STRN3: variants seen among roughly 807,000 people sequenced by gnomAD.
STRN3 encodes the protein striatin 3, also known as striatin-3.
In STRN3, 29 loss-of-function variants were observed where a neutral mutation model predicts 95.6. The ratio of observed to expected loss-of-function variants is 0.30; its 90% confidence interval spans 0.23 to 0.41. The LOEUF is 0.41. Ranked by LOEUF, STRN3 falls within the 10% of genes least tolerant of loss-of-function variation. The pLI is 1.00. For missense variants in STRN3, 890 were observed against 972.1 expected (o/e 0.92, Z 1.12); for synonymous variants, 331 against 357.6 (o/e 0.93, Z 0.84).
At chr14:30,927,586 C>T (rs181717244) in intron 8 of STRN3, among the ~76,000 whole-genome samples, 1 of 151,248 alleles carries the variant, frequency 6.6e-6, no homozygotes, top group Non-Finnish European at 1.5e-5. Context: ...ATAAAATAAG[C>T]AATCCACTAG....
chr14:30,960,167 G>A (rs1880119040), intron 1 of STRN3, among the ~76,000 whole-genome samples: 1 of 151,978 alleles, frequency 6.6e-6, no homozygotes. Flanking sequence ...ACCAGCCTGG[G>A]CAACATGGCA....
chr14:31,013,425 A>G (rs1216852489), intron 1 of STRN3, among the ~76,000 whole-genome samples: 1 of 152,078 alleles, frequency 6.6e-6, no homozygotes, highest in Non-Finnish European at 1.5e-5. Flanking sequence ...AGTTTGCCAC[A>G]TTGTACCAGA....
intron 7 of STRN3, among the ~76,000 whole-genome samples, chr14:30,929,958 A>AAAAAAAAAAAAAAAAAAAACAAAAAAC (rs1566441333): frequency 7.6e-6 from 1 of 132,428 alleles, no homozygotes; most frequent in African/African-American, 2.9e-5. Flanking sequence ...GATTAGCAAA[A>AAAAAAAAAAAAAAAAAAAACAAAAAAC]AAAAAAAAAA....
chr14:30,904,342 CAATA>C (rs1051108104), intron 15 of STRN3, among the ~76,000 whole-genome samples: 47 of 152,200 alleles, frequency 3.1e-4, no homozygotes, highest in African/African-American at 1.1e-3. Context: ...ATCTGAACAG[CAATA>C]AATAAAGATA....
At chr14:30,961,864 T>C (rs935830934) in intron 1 of STRN3, among the ~76,000 whole-genome samples, 1 of 152,210 alleles carries the variant, frequency 6.6e-6, no homozygotes, top group African/African-American at 2.4e-5. Context: ...GCCTTAGCCT[T>C]CTGAGTTGCT....
chr14:30,907,083 A>T, intron 13 of STRN3, 39 bp from the exon 14 acceptor site: 3 of 1,589,410 alleles, frequency 1.9e-6, no homozygotes, highest in Non-Finnish European at 2.6e-6. Flanking sequence ...TAGGTAAAAG[A>T]AGTTTAAAAG....
At chr14:31,017,401 A>G (rs532390396) in intron 1 of STRN3, among the ~76,000 whole-genome samples, 6 of 82,550 alleles carry the variant, frequency 7.3e-5, no homozygotes, top group Admixed American at 6.6e-4. Flanking sequence ...AGGGAGGCTG[A>G]GGCAGGAGAA....
intron 1 of STRN3, among the ~76,000 whole-genome samples, chr14:30,992,511 C>CAA (rs1882006844): frequency 6.8e-6 from 1 of 146,872 alleles, no homozygotes. Flanking sequence ...CCTCAGCCTC[C>CAA]AAAAGTTCTG....
At chr14:30,934,126 C>A (rs1386002130) in intron 7 of STRN3, among the ~76,000 whole-genome samples, 1 of 152,160 alleles carries the variant, frequency 6.6e-6, no homozygotes, top group Non-Finnish European at 1.5e-5. Flanking sequence ...GAGATCGAGA[C>A]CATCCTGGCC....
intron 9 of STRN3, among the ~76,000 whole-genome samples, chr14:30,916,214 A>G (rs190635323): frequency 3.3e-5 from 5 of 152,174 alleles, no homozygotes; most frequent in Admixed American, 3.3e-4. Context: ...TAATATAATT[A>G]CCCATAATAT....
chr14:30,944,731 C>A (rs1184007898), intron 5 of STRN3, among the ~76,000 whole-genome samples: 2 of 151,086 alleles, frequency 1.3e-5, no homozygotes, highest in East Asian at 3.9e-4. Flanking sequence ...GATCCTCCCA[C>A]CTCAGCCTCC....
intron 1 of STRN3, among the ~76,000 whole-genome samples, chr14:30,986,345 G>A (rs1412176904): frequency 6.6e-6 from 1 of 152,178 alleles, no homozygotes; most frequent in Non-Finnish European, 1.5e-5. Context: ...TCGGTCAACC[G>A]TTTAGAAAAC....
rs1405402898 is a variant in STRN3 at position 31,026,206 on chromosome 14, G to A, written c.-21C>T. ...TCCATTGTGTGTGGGGCCCCGGCCG[G>A]GGCGCAGGGCGAGACGCCGACAGCT... On this transcript the variant is annotated 5_prime_UTR_variant, in exon 1 of 18. Transcript: ENST00000357479. 1 of 1,394,824 alleles carries A rather than the reference G, an allele frequency of 7.2e-7. No individual in the cohort carries two copies. The highest frequency in any genetic ancestry group is 2.6e-4 in the Middle Eastern group (1 of 3,918). 86.4% of individuals were successfully genotyped at this position (1,394,824 alleles called of 1,614,324 possible).
chr14:30,901,351 AG>A (rs1896309671), intron 16 of STRN3, among the ~76,000 whole-genome samples: 2 of 152,306 alleles, frequency 1.3e-5, no homozygotes, highest in Non-Finnish European at 2.9e-5. Context: ...TGCACAATGT[AG>A]ACCTGTAAAT....
At chr14:30,961,704 CTCTAA>C (rs1880216384) in intron 1 of STRN3, among the ~76,000 whole-genome samples, 2 of 152,294 alleles carry the variant, frequency 1.3e-5, no homozygotes, top group South Asian at 2.1e-4. Flanking sequence ...TCACTGTACC[CTCTAA>C]GTCCTGGGCT....
intron 8 of STRN3, among the ~76,000 whole-genome samples, chr14:30,928,907 A>T (rs1371827843): frequency 6.6e-6 from 1 of 152,108 alleles, no homozygotes; most frequent in Admixed American, 6.5e-5. Flanking sequence ...AAAAATCTTT[A>T]TTTTTTATTC....
chr14:30,936,398 T>C (rs2139076144), intron 6 of STRN3, 97 bp downstream of exon 6: 1 of 1,354,718 alleles, frequency 7.4e-7, no homozygotes, highest in South Asian at 1.5e-5. Flanking sequence ...AAAGTAAAGA[T>C]GATCAATCAC....
chr14:30,939,367 A>G lies in STRN3; in HGVS notation c.717-2743T>C, dbSNP rs138807331. Among the ~76,000 whole-genome samples, 56 of 152,322 alleles carry G rather than the reference A, an allele frequency of 3.7e-4. No homozygotes were observed. In the East Asian group the frequency reaches 9.6e-3, roughly 26 times the overall value. ...AAAAATGAGGTAGGGTCACAAACTT[A>G]TAAGAATGACTAAAATTAAGGAACG... is the stretch of plus-strand genomic sequence containing the variant. On this transcript the variant is annotated intron_variant, in intron 5 of 17. Coordinates refer to ENST00000357479, the MANE Select transcript of STRN3 (RefSeq NM_001083893.2).
At chr14:30,899,874 T>C (rs1896257818) in intron 16 of STRN3, among the ~76,000 whole-genome samples, 1 of 152,164 alleles carries the variant, frequency 6.6e-6, no homozygotes, top group South Asian at 2.1e-4. Context: ...GGTTTACTCA[T>C]TTAAATAATT....
Sources: allele counts gnomAD v4.1 joint callset (sites outside exome capture counted in the v4.1 genomes callset), GRCh38; gene constraint gnomAD v4.1.1; transcripts MANE v1.5; gene names NCBI Gene and HGNC (gene_info 2026-07-23, HGNC 2026-07-21).